DPP10: variants seen among roughly 807,000 people sequenced by gnomAD.
DPP10 encodes dipeptidyl peptidase like 10.
DPP10 carries 33 observed loss-of-function variants against 120.9 expected under a neutral mutation model. That is an observed-to-expected ratio of 0.27 (90% CI 0.21 to 0.37). DPP10 has a LOEUF of 0.37. DPP10 is among the 10% of genes least tolerant of loss of function. The pLI, the probability that DPP10 is intolerant of heterozygous loss-of-function variation, is 1.00. For missense variants in DPP10, 816 were observed against 942.8 expected, an observed-to-expected ratio of 0.87 and a Z score of 1.76; for synonymous variants, 337 against 326.1, an observed-to-expected ratio of 1.03 and a Z score of -0.36.
chr2:115,593,759 A>G (rs2082823159), intron 5 of DPP10, among the ~76,000 whole-genome samples: 1 of 152,210 alleles, frequency 6.6e-6, no homozygotes, highest in Non-Finnish European at 1.5e-5. Context: ...ACCAAAGACA[A>G]ATCATAGCAG....
At chr2:114,686,470 G>T (rs1012915478) in intron 1 of DPP10, among the ~76,000 whole-genome samples, 1 of 151,788 alleles carries the variant, frequency 6.6e-6, no homozygotes, top group East Asian at 2.0e-4. Context: ...TAGATGTAAA[G>T]AGCTAAAACT....
intron 1 of DPP10, among the ~76,000 whole-genome samples, chr2:114,684,159 A>G (rs1490376056): frequency 6.6e-6 from 1 of 151,906 alleles, no homozygotes; most frequent in Non-Finnish European, 1.5e-5. Flanking sequence ...GGCTGGCTGT[A>G]GTGGGTTTTA....
chr2:115,553,188 A>G (rs534292250), intron 5 of DPP10, among the ~76,000 whole-genome samples: 1 of 152,234 alleles, frequency 6.6e-6, no homozygotes, highest in African/African-American at 2.4e-5. Flanking sequence ...GCAAGTCTAC[A>G]GTCATTTGAC....
At chr2:115,376,534 T>C (rs1254971737) in intron 3 of DPP10, among the ~76,000 whole-genome samples, 2 of 151,652 alleles carry the variant, frequency 1.3e-5, no homozygotes, top group African/African-American at 2.4e-5. Flanking sequence ...TCCCTTTCTT[T>C]TTTTTTTTAA....
At chr2:115,378,520 T>C (rs2066000996) in intron 3 of DPP10, among the ~76,000 whole-genome samples, 1 of 151,764 alleles carries the variant, frequency 6.6e-6, no homozygotes, top group Admixed American at 6.6e-5. Flanking sequence ...TGACTTCCTC[T>C]TTTCCTAATT....
At chr2:114,672,206 A>G in intron 1 of DPP10, among the ~76,000 whole-genome samples, 1 of 152,212 alleles carries the variant, frequency 6.6e-6, no homozygotes, top group East Asian at 1.9e-4. Flanking sequence ...ACATGGATGT[A>G]GAGTGTCTGT....
At chr2:115,717,201 G>A (rs915496589) in intron 7 of DPP10, among the ~76,000 whole-genome samples, 1 of 152,106 alleles carries the variant, frequency 6.6e-6, no homozygotes, top group African/African-American at 2.4e-5. Context: ...AGGTTAAACT[G>A]TTGCATGTCA....
intron 5 of DPP10, among the ~76,000 whole-genome samples, chr2:115,561,657 G>C (rs1365544269): frequency 6.6e-6 from 1 of 152,064 alleles, no homozygotes; most frequent in South Asian, 2.1e-4. Flanking sequence ...AAGTAATATA[G>C]AATAATTATT....
chr2:114,480,610 A>T (rs1404038645), intron 1 of DPP10, among the ~76,000 whole-genome samples: 2 of 151,566 alleles, frequency 1.3e-5, no homozygotes, highest in African/African-American at 4.8e-5. Flanking sequence ...CGCAAGGACA[A>T]AAAACCAAAC....
chr2:115,368,172 G>C (rs1192560358), intron 3 of DPP10, among the ~76,000 whole-genome samples: 1 of 152,066 alleles, frequency 6.6e-6, no homozygotes, highest in African/African-American at 2.4e-5. Flanking sequence ...ATCATACGAA[G>C]AAAAAGAGAA....
intron 5 of DPP10, among the ~76,000 whole-genome samples, chr2:115,619,811 A>T (rs978930712): frequency 2.6e-5 from 4 of 152,142 alleles, no homozygotes; most frequent in African/African-American, 9.7e-5. Flanking sequence ...GGAGGATGAG[A>T]CTTTATTTCT....
At chr2:115,016,594 C>T (rs1702655440) in intron 1 of DPP10, among the ~76,000 whole-genome samples, 1 of 151,372 alleles carries the variant, frequency 6.6e-6, no homozygotes, top group Non-Finnish European at 1.5e-5. Flanking sequence ...AAAATTTTTG[C>T]AATATACTCA....
intron 1 of DPP10, among the ~76,000 whole-genome samples, chr2:115,286,526 A>ATATATATATT (rs10675008): frequency 8.2e-5 from 5 of 60,944 alleles, no homozygotes; most frequent in Admixed American, 2.2e-4. Context: ...ATATATATAT[A>ATATATATATT]ATATATATAT....
At position 114,556,234 on chromosome 2, in the gene DPP10, CATATATATATAT is replaced by C. The variant is rs56772742; in HGVS notation, c.60+113420_60+113431del. Among the ~76,000 whole-genome samples, 154 of 86,940 alleles carry C rather than the reference CATATATATATAT, an allele frequency of 1.8e-3. 2 individuals carry two copies. Among genetic ancestry groups the C allele is most frequent in the African/African-American group, 2.7e-3 (58 of 21,788 alleles). The allele number at this position is 86,940 out of a possible 152,430, so 57.0% of individuals were successfully genotyped here. A position where few individuals can be genotyped will look rare whatever the true frequency, so the allele number is the denominator to read the frequency against. On this transcript the variant is annotated intron_variant, in intron 1 of 25. Transcript: ENST00000410059. Reference sequence around the variant, plus strand: ...GAGAAACAGTGATACATAGATGATACATATATATATATATATATATATATATATATATATAGG... The same window carrying C: ...GAGAAACAGTGATACATAGATGATACATATATATATATATATATATATAGG...
intron 3 of DPP10, among the ~76,000 whole-genome samples, chr2:115,369,632 A>T (rs2065282987): frequency 6.6e-6 from 1 of 152,104 alleles, no homozygotes; most frequent in Admixed American, 6.6e-5. Context: ...ATAACAGCGG[A>T]AAGATGGACT....
At chr2:114,979,224 C>T (rs1699937728) in intron 1 of DPP10, among the ~76,000 whole-genome samples, 1 of 151,866 alleles carries the variant, frequency 6.6e-6, no homozygotes, top group African/African-American at 2.4e-5. Flanking sequence ...TAATCAGGCT[C>T]ATTGGGGAAA....
At chr2:115,699,031 A>AAAAAAAAAAAAAAAAAAAAAAAAAG (rs2091750283) in intron 7 of DPP10, among the ~76,000 whole-genome samples, 1 of 31,080 alleles carries the variant, frequency 3.2e-5, no homozygotes, top group Non-Finnish European at 8.2e-5. Flanking sequence ...TGAAAAAAAA[A>AAAAAAAAAAAAAAAAAAAAAAAAAG]AAAACAAAAA....
chr2:115,318,453 G>A (rs553593973), intron 2 of DPP10, among the ~76,000 whole-genome samples: 1 of 152,080 alleles, frequency 6.6e-6, no homozygotes, highest in South Asian at 2.1e-4. Context: ...TTTTATTTCT[G>A]CAAGAAAGCC....
At chr2:114,933,609 G>A (rs1275857262) in intron 1 of DPP10, among the ~76,000 whole-genome samples, 1 of 152,168 alleles carries the variant, frequency 6.6e-6, no homozygotes, top group Non-Finnish European at 1.5e-5. Flanking sequence ...AAATTTGCAA[G>A]AGTAGAAGAA....
Sources: gnomAD v4.1 joint callset for allele counts (sites outside exome capture counted in the v4.1 genomes callset) on GRCh38, gnomAD v4.1.1 for gene constraint, MANE v1.5 for transcripts, NCBI Gene and HGNC (gene_info 2026-07-23, HGNC 2026-07-21) for gene names.